Variants in NBAS observed in about 807,000 individuals in gnomAD.
The protein encoded by NBAS is NAG/BC035112 fusion.
In NBAS, 219 loss-of-function variants were observed where a neutral mutation model predicts 302.5. The observed-to-expected ratio is 0.72, with a 90% CI of 0.65 to 0.81. The LOEUF is 0.81. Among genes scored for constraint, NBAS ranks in the 30% least tolerant of loss-of-function variants. The pLI, the probability that NBAS is intolerant of heterozygous loss-of-function variation, is 0.00. For missense variants in NBAS, 2,932 were observed against 2,841.6 expected (o/e 1.03, Z -0.72); for synonymous variants, 1,118 against 1,021.6 (o/e 1.09, Z -1.80).
chr2:14,958,852 C>T, the NBAS span, among the ~76,000 whole-genome samples: 1 of 152,036 alleles, frequency 6.6e-6, no homozygotes, highest in Non-Finnish European at 1.5e-5. Flanking sequence ...AATAGGGGCT[C>T]TATAATCACA....
chr2:15,131,738 G>C, the NBAS span, among the ~76,000 whole-genome samples: 1 of 152,158 alleles, frequency 6.6e-6, no homozygotes, highest in African/African-American at 2.4e-5. Flanking sequence ...AAGAAAAGCA[G>C]TTTAATTGGC....
the NBAS span, among the ~76,000 whole-genome samples, chr2:14,934,760 G>A: frequency 6.6e-6 from 1 of 152,052 alleles, no homozygotes; most frequent in African/African-American, 2.4e-5. Context: ...TGTTTGTTTA[G>A]AAGTGTTGTA....
At chr2:15,024,145 C>G in the NBAS span, among the ~76,000 whole-genome samples, 1 of 151,828 alleles carries the variant, frequency 6.6e-6, no homozygotes, top group African/African-American at 2.4e-5. Flanking sequence ...TCCAGTAAGC[C>G]TCAGTGTCTG....
chr2:14,901,394 G>T, the NBAS span, among the ~76,000 whole-genome samples: 2 of 151,802 alleles, frequency 1.3e-5, no homozygotes, highest in East Asian at 3.9e-4. Flanking sequence ...GAGAAAATTT[G>T]ATTATTCTTC....
intron 23 of NBAS, among the ~76,000 whole-genome samples, chr2:15,421,950 A>G (rs879605553): frequency 6.6e-6 from 1 of 152,138 alleles, no homozygotes; most frequent in Non-Finnish European, 1.5e-5. Context: ...CACCAGGCCC[A>G]TGAACGTGCA....
At chr2:14,929,401 C>T in the NBAS span, among the ~76,000 whole-genome samples, 99 of 152,040 alleles carry the variant, frequency 6.5e-4, 1 homozygote, top group Admixed American at 4.5e-3. Context: ...GTTTTTGAGA[C>T]GGAGTCTCAC....
chr2:14,898,900 GTTCTAGTTGGAA>G, the NBAS span, among the ~76,000 whole-genome samples: 1 of 152,144 alleles, frequency 6.6e-6, no homozygotes, highest in Admixed American at 6.5e-5. Flanking sequence ...TGTAGCTTGA[GTTCTAGTTGGAA>G]CTATTGTGTC....
the NBAS span, among the ~76,000 whole-genome samples, chr2:14,965,232 A>G: frequency 6.6e-6 from 1 of 152,162 alleles, no homozygotes. Context: ...AAGTAAAGCC[A>G]ATCAACGCAA....
At chr2:15,294,676 G>A (rs914978501) in intron 40 of NBAS, among the ~76,000 whole-genome samples, 3 of 152,114 alleles carry the variant, frequency 2.0e-5, no homozygotes, top group African/African-American at 4.8e-5. Context: ...CTGCTCTTAT[G>A]CCTCATCTGA....
intron 26 of NBAS, 84 bp downstream of exon 26, chr2:15,402,084 G>T: frequency 6.8e-7 from 1 of 1,465,516 alleles, no homozygotes; most frequent in Non-Finnish European, 9.5e-7. Flanking sequence ...AATTCTCTAA[G>T]GTAAGCATTT....
chr2:15,419,744 C>G (rs368611855), intron 23 of NBAS, among the ~76,000 whole-genome samples: 3 of 152,026 alleles, frequency 2.0e-5, no homozygotes, highest in African/African-American at 7.3e-5. Context: ...CCGAGTCTCA[C>G]TCTGCCTCCC....
intron 38 of NBAS, among the ~76,000 whole-genome samples, chr2:15,325,349 T>G (rs1185803815): frequency 6.6e-6 from 1 of 151,852 alleles, no homozygotes; most frequent in Non-Finnish European, 1.5e-5. Flanking sequence ...TAGAAAACCA[T>G]GCATATATCT....
chr2:15,001,111 C>A, the NBAS span, among the ~76,000 whole-genome samples: 14 of 152,180 alleles, frequency 9.2e-5, no homozygotes, highest in East Asian at 2.5e-3. Context: ...CTTGATGACA[C>A]GTTATGAATT....
chr2:15,204,405 T>C (rs1376313447), intron 48 of NBAS, among the ~76,000 whole-genome samples: 2 of 152,150 alleles, frequency 1.3e-5, no homozygotes, highest in South Asian at 2.1e-4. Context: ...TATATAAATA[T>C]ATTATGGATA....
chr2:14,974,078 C>A, the NBAS span, among the ~76,000 whole-genome samples: 1 of 152,190 alleles, frequency 6.6e-6, no homozygotes, highest in Non-Finnish European at 1.5e-5. Context: ...AATTCCCATG[C>A]ATTTTATCTA....
At position 15,340,373 on chromosome 2, in the gene NBAS, G is replaced by A. The variant is rs78895349; in HGVS notation, c.4180-9608C>T. On this transcript the variant is annotated intron_variant, in intron 35 of 51. Coordinates refer to ENST00000281513, the MANE Select transcript of NBAS (RefSeq NM_015909.4). ...GATGACAGCAAAAGATTTATGGTACGAACACCTACAAAGAGTTCTATTTCG... is the reference window on the plus strand; with the variant it reads ...GATGACAGCAAAAGATTTATGGTACAAACACCTACAAAGAGTTCTATTTCG... 7.9e-4 allele frequency among the ~76,000 whole-genome samples: 121 copies of A among 152,232 alleles called. No homozygotes were observed. The East Asian group carries it at 0.017, about 22-fold the overall frequency.
At chr2:15,267,790 T>C (rs1669144616) in intron 44 of NBAS, among the ~76,000 whole-genome samples, 1 of 152,160 alleles carries the variant, frequency 6.6e-6, no homozygotes, top group Admixed American at 6.5e-5. Context: ...AAGTGTTATA[T>C]CTTGAATAAA....
At chr2:14,805,432 ATTT>A in the NBAS span, among the ~76,000 whole-genome samples, 1 of 152,308 alleles carries the variant, frequency 6.6e-6, no homozygotes, top group East Asian at 1.9e-4. Flanking sequence ...TCTGAACTTT[ATTT>A]GCAGGCAAAT....
In NBAS at chr2:15,241,369, G is replaced by A. The variant is rs547377802; in HGVS notation, c.5725-2683C>T. On this transcript the variant is annotated intron_variant, in intron 44 of 51. Transcript: ENST00000281513. ...AGCTAATTCACATGGGCAGGAAGTAGGGTCCTGGATGAAACAATGGGTCCC... is the reference window on the plus strand; with the variant it reads ...AGCTAATTCACATGGGCAGGAAGTAAGGTCCTGGATGAAACAATGGGTCCC... 4.7e-4 allele frequency among the ~76,000 whole-genome samples: 72 copies of A among 152,320 alleles called. No individual in the cohort carries two copies. In the South Asian group the frequency reaches 0.015, roughly 31 times the overall value.
Sources: allele counts gnomAD v4.1 joint callset (sites outside exome capture counted in the v4.1 genomes callset), GRCh38; gene constraint gnomAD v4.1.1; transcripts MANE v1.5; gene names NCBI Gene and HGNC (gene_info 2026-07-23, HGNC 2026-07-21).